MYCBP2: variants seen among roughly 807,000 people sequenced by gnomAD.
The protein encoded by MYCBP2 is E3 ubiquitin-protein ligase MYCBP2.
MYCBP2 carries 120 observed loss-of-function variants against 525.3 expected under a neutral mutation model. The observed-to-expected ratio is 0.23, with a 90% CI of 0.20 to 0.27. The LOEUF is 0.27. MYCBP2 is among the 10% of genes least tolerant of loss of function. The pLI is 1.00. For missense variants in MYCBP2, 4,149 were observed against 5,657.1 expected (o/e 0.73, Z 8.55); for synonymous variants, 1,894 against 1,955.8 (o/e 0.97, Z 0.83).
intron 52 of MYCBP2, among the ~76,000 whole-genome samples, chr13:77,133,616 T>C (rs943202790): frequency 6.6e-6 from 1 of 152,208 alleles, no homozygotes; most frequent in Non-Finnish European, 1.5e-5. Context: ...TCTCTACTTC[T>C]ACAGATTAAG....
rs34441629 is a variant in MYCBP2 at position 77,228,691 on chromosome 13, TTGTGTGTG to T, written c.2738-3145_2738-3138del. ...CTGTATTTTCCCTAAGATGAATATG[TTGTGTGTG>T]TGTGTGTGTGTGTGTGTGTGTGTGT... On this transcript the variant is annotated intron_variant, in intron 18 of 82. Coordinates refer to ENST00000544440, the MANE Select transcript of MYCBP2 (RefSeq NM_015057.5). Among the ~76,000 whole-genome samples, 340 of 147,256 alleles carry T rather than the reference TTGTGTGTG, an allele frequency of 2.3e-3. 2 individuals are homozygous for T. Among genetic ancestry groups the T allele is most frequent in the African/African-American group, 5.9e-3 (237 of 39,940 alleles).
At chr13:77,165,467 C>A in intron 41 of MYCBP2, 76 bp from the exon 42 acceptor site, 1 of 1,059,172 alleles carries the variant, frequency 9.4e-7, no homozygotes, top group Non-Finnish European at 1.4e-6. Flanking sequence ...ATCCAATGGA[C>A]TTTCTCTTTT....
intron 55 of MYCBP2, among the ~76,000 whole-genome samples, chr13:77,120,907 G>A (rs531981262): frequency 2.9e-4 from 44 of 152,026 alleles, no homozygotes; most frequent in African/African-American, 1.1e-3. Context: ...TAAGATTACT[G>A]GGTTAGAAAT....
At chr13:77,112,859 C>T (rs1167168869) in intron 55 of MYCBP2, among the ~76,000 whole-genome samples, 3 of 151,658 alleles carry the variant, frequency 2.0e-5, no homozygotes, top group African/African-American at 4.8e-5. Flanking sequence ...ACTTTTTTTT[C>T]CATTAACAAA....
At chr13:77,123,431 T>C (rs1430969772) in intron 54 of MYCBP2, among the ~76,000 whole-genome samples, 1 of 152,226 alleles carries the variant, frequency 6.6e-6, no homozygotes, top group Non-Finnish European at 1.5e-5. Flanking sequence ...CTTCTAAGTT[T>C]ATAAGAATAA....
intron 27 of MYCBP2, among the ~76,000 whole-genome samples, chr13:77,193,213 T>C (rs2061453977): frequency 6.6e-6 from 1 of 152,114 alleles, no homozygotes; most frequent in African/African-American, 2.4e-5. Flanking sequence ...TGCTGAAAAT[T>C]AATCAATTAG....
At chr13:77,182,172 G>A (rs2060275115) in intron 32 of MYCBP2, among the ~76,000 whole-genome samples, 1 of 152,108 alleles carries the variant, frequency 6.6e-6, no homozygotes, top group Admixed American at 6.5e-5. Flanking sequence ...TCTAGTAAAT[G>A]AGCATTTTTA....
At chr13:77,209,766 C>T (rs1339265205) in intron 23 of MYCBP2, among the ~76,000 whole-genome samples, 4 of 152,130 alleles carry the variant, frequency 2.6e-5, no homozygotes. Context: ...CATAAAATGC[C>T]CAAATAAGAG....
At chr13:77,275,856 C>T (rs1224408312) in intron 4 of MYCBP2, among the ~76,000 whole-genome samples, 2 of 152,088 alleles carry the variant, frequency 1.3e-5, no homozygotes, top group African/African-American at 2.4e-5. Context: ...TTGTGGAACG[C>T]GCCTGTAGTC....
chr13:77,146,644 TGAA>T (rs2055626733), intron 47 of MYCBP2, among the ~76,000 whole-genome samples: 1 of 152,110 alleles, frequency 6.6e-6, no homozygotes, highest in South Asian at 2.1e-4. Flanking sequence ...GACAATTCTC[TGAA>T]GAAGAAATCT....
In MYCBP2 at chr13:77,220,414, C is replaced by T. The variant is rs117936226; in HGVS notation, c.2940-2457G>A. ...TAACCTGGCCAAGATCATATAGCTACCAAGTGACAGAATCAGGACCCAACC... is the reference window on the plus strand; with the variant it reads ...TAACCTGGCCAAGATCATATAGCTATCAAGTGACAGAATCAGGACCCAACC... On this transcript the variant is annotated intron_variant, in intron 20 of 82. Coordinates refer to ENST00000544440, the MANE Select transcript of MYCBP2 (RefSeq NM_015057.5). 3.3e-5 allele frequency among the ~76,000 whole-genome samples: 5 copies of T among 151,996 alleles called. No homozygotes were observed. The South Asian group carries it at 8.3e-4, about 25-fold the overall frequency.
chr13:77,253,882 T>A (rs2071664552), intron 14 of MYCBP2, among the ~76,000 whole-genome samples: 1 of 151,820 alleles, frequency 6.6e-6, no homozygotes, highest in Non-Finnish European at 1.5e-5. Flanking sequence ...AAAACTGAAA[T>A]CCACAATAGA....
In MYCBP2 at chr13:77,116,398, AAT is replaced by A. The variant is rs113072502; in HGVS notation, c.8140+4973_8140+4974del. 5.2e-4 allele frequency among the ~76,000 whole-genome samples: 79 copies of A among 152,070 alleles called. 2 individuals are homozygous for A. The highest frequency in any genetic ancestry group is 2.0e-4 in the Admixed American group (3 of 15,248). ...AGAATACCTTGCTTGGGGAGTCTTAAATGTTGGCACTTTGCCACATTTACCTT... is the reference window on the plus strand; with the variant it reads ...AGAATACCTTGCTTGGGGAGTCTTAAGTTGGCACTTTGCCACATTTACCTT... On this transcript the variant is annotated intron_variant, in intron 55 of 82. Coordinates refer to ENST00000544440, the MANE Select transcript of MYCBP2 (RefSeq NM_015057.5).
chr13:77,096,302 A>G lies in MYCBP2; in HGVS notation c.9954+10T>C. 1 of 1,612,468 alleles carries G rather than the reference A, an allele frequency of 6.2e-7. No homozygotes were observed. Among genetic ancestry groups the G allele is most frequent in the Non-Finnish European group, 8.5e-7 (1 of 1,179,010 alleles). Reference sequence around the variant, plus strand: ...TCATTAAAAGTATAGCTCCAAATGGAATAAAATACCTTCTCCCTTGCAGCA... The same window carrying G: ...TCATTAAAAGTATAGCTCCAAATGGGATAAAATACCTTCTCCCTTGCAGCA... On this transcript the variant is annotated intron_variant, in intron 57 of 82. Transcript: ENST00000544440.
chr13:77,211,305 G>C lies in MYCBP2; in HGVS notation c.3278C>G (p.Ser1093Cys). Residue 1093 changes from serine to cysteine, a missense_variant, in exon 23 of 83, where the codon TCT (serine) becomes TGT (cysteine). Physicochemically the swap from Ser to Cys is moderately radical, Grantham distance 112. Transcript: ENST00000544440. ...TTTAAATGGAGGAGGTTCTGATATA[G>C]AAGCAGGTACCAAGCCTTAAGAAAA... Reference protein sequence around the residue: ...SKHIIGLVPASISEPPPFKCL... With the variant: ...SKHIIGLVPACISEPPPFKCL... 6.8e-7 allele frequency: 1 copy of C among 1,469,534 alleles called. No individual in the cohort carries two copies. Among genetic ancestry groups the C allele is most frequent in the Non-Finnish European group, 9.0e-7 (1 of 1,104,980 alleles). The allele number at this position is 1,469,534 out of a possible 1,614,324, so 91.0% of individuals were successfully genotyped here. A position where few individuals can be genotyped will look rare whatever the true frequency, so the allele number is the denominator to read the frequency against.
intron 1 of MYCBP2, among the ~76,000 whole-genome samples, chr13:77,311,555 GTTTTTTTTTGTTTTTT>G (rs1567227956): frequency 7.0e-6 from 1 of 142,154 alleles, no homozygotes; most frequent in African/African-American, 2.6e-5. Context: ...GGAAAGAGAA[GTTTTTTTTTGTTTTTT>G]TTTTTTTGTT....
intron 68 of MYCBP2, among the ~76,000 whole-genome samples, chr13:77,073,999 A>ACCCCC (rs1555308432): frequency 1.1e-5 from 1 of 91,710 alleles, no homozygotes. Flanking sequence ...TTCCATCCCC[A>ACCCCC]CCGCCCCCCC....
intron 38 of MYCBP2, among the ~76,000 whole-genome samples, chr13:77,171,011 C>A (rs1444446586): frequency 6.6e-6 from 1 of 152,080 alleles, no homozygotes; most frequent in Non-Finnish European, 1.5e-5. Context: ...GTACTTGCAC[C>A]ATGGCAGTCT....
Position 77,144,525 on chromosome 13 carries a change from T to G in MYCBP2, c.7223A>C (p.Asp2408Ala), listed in dbSNP as rs773039470. Residue 2408 changes from aspartate to alanine, a missense_variant, in exon 49 of 83, where the codon GAT becomes GCT. Around this residue, in one of 21 missense-constraint regions of MYCBP2, gnomAD observed 692 missense variants for 852.7 expected, o/e 0.81. Coordinates refer to ENST00000544440, the MANE Select transcript of MYCBP2 (RefSeq NM_015057.5). ...AGTCCAATTTGCACAATAAGTCCCA[T>G]CATTATTGACACGGATCAGCATATT... is the stretch of plus-strand genomic sequence containing the variant. ...SENMLIRVNN[D>A]GTYCANWTPG... The G allele has an allele frequency of 1.2e-6, 2 of 1,613,420 alleles. No individual in the cohort carries two copies. The highest frequency in any genetic ancestry group is 1.7e-6 in the Non-Finnish European group (2 of 1,179,422).
Sources: gnomAD v4.1 joint callset for allele counts (sites outside exome capture counted in the v4.1 genomes callset) on GRCh38, gnomAD v4.1.1 for gene constraint, gnomAD v4.1.1 regional missense constraint, MANE v1.5 for transcripts, NCBI Gene and HGNC (gene_info 2026-07-23, HGNC 2026-07-21) for gene names.